ARMC8: variants seen among roughly 807,000 people sequenced by gnomAD.
The protein encoded by ARMC8 is armadillo repeat-containing protein 8.
A neutral mutation model predicts 99.3 loss-of-function variants in ARMC8; 20 were observed. The observed-to-expected ratio is 0.20, with a 90% CI of 0.14 to 0.29. The LOEUF (loss-of-function observed/expected upper bound fraction) is 0.29. Among genes scored for constraint, ARMC8 ranks in the 10% least tolerant of loss-of-function variants. ARMC8 has a pLI of 1.00. For missense variants in ARMC8, 569 were observed against 809.5 expected, an observed-to-expected ratio of 0.70 and a Z score of 3.60; for synonymous variants, 263 against 278.3, an observed-to-expected ratio of 0.95 and a Z score of 0.55.
chr3:138,283,063 A>T (rs2050093905), intron 18 of ARMC8, among the ~76,000 whole-genome samples: 1 of 152,198 alleles, frequency 6.6e-6, no homozygotes, highest in Non-Finnish European at 1.5e-5. Flanking sequence ...CTGCCCTGGA[A>T]TAAATAGTTC....
intron 5 of ARMC8, among the ~76,000 whole-genome samples, chr3:138,227,874 T>G (rs1252260202): frequency 6.6e-6 from 1 of 152,236 alleles, no homozygotes; most frequent in African/African-American, 2.4e-5. Flanking sequence ...GCATAACTTT[T>G]GTGATGTCAT....
At chr3:138,278,503 C>CAA (rs34583566) in intron 18 of ARMC8, among the ~76,000 whole-genome samples, 1 of 140,674 alleles carries the variant, frequency 7.1e-6, no homozygotes, top group African/African-American at 2.6e-5. Context: ...GACTCCATCT[C>CAA]AAAAAAAAAA....
intron 6 of ARMC8, among the ~76,000 whole-genome samples, chr3:138,230,169 C>G (rs1156392434): frequency 6.6e-6 from 1 of 152,162 alleles, no homozygotes; most frequent in East Asian, 1.9e-4. Context: ...GCAGAGATAT[C>G]AAACAATGCC....
intron 16 of ARMC8, 47 bp downstream of exon 16, chr3:138,270,179 C>T (rs534718040): frequency 3.3e-5 from 44 of 1,338,174 alleles, no homozygotes; most frequent in Non-Finnish European, 4.4e-5. Flanking sequence ...AGGAATACAG[C>T]TATTGTCTAA....
chr3:138,249,062 A>G (rs2047008746), intron 12 of ARMC8, among the ~76,000 whole-genome samples: 1 of 152,236 alleles, frequency 6.6e-6, no homozygotes, highest in Admixed American at 6.5e-5. Flanking sequence ...CCCAGCATCT[A>G]CAACACTGTC....
intron 9 of ARMC8, 79 bp from the exon 10 acceptor site, chr3:138,239,389 A>G: frequency 8.8e-7 from 1 of 1,132,796 alleles, no homozygotes; most frequent in Non-Finnish European, 1.3e-6. Flanking sequence ...ATTTTTTAAT[A>G]AAATCTTAAA....
intron 12 of ARMC8, 154 bp from the exon 13 acceptor site, chr3:138,263,585 C>G (rs1332936232): frequency 1.2e-5 from 8 of 689,514 alleles, no homozygotes; most frequent in Non-Finnish European, 2.1e-5. Flanking sequence ...TGATGAGCTG[C>G]CCGCCCCCAG....
chr3:138,255,911 C>T lies in ARMC8; in HGVS notation c.1135-7828C>T, dbSNP rs147920751. Among the ~76,000 whole-genome samples the T allele has an allele frequency of 5.8e-3, 888 of 152,158 alleles. 11 individuals are homozygous for T. Among genetic ancestry groups the T allele is most frequent in the African/African-American group, 0.021 (855 of 41,522 alleles). Reference sequence around the variant, plus strand: ...GGGAGAATCGCTCGAACCCGGGAGGCGGAGGTTGCAGTGAGCCTAGATTTC... The same window carrying T: ...GGGAGAATCGCTCGAACCCGGGAGGTGGAGGTTGCAGTGAGCCTAGATTTC... On this transcript the variant is annotated intron_variant, in intron 12 of 21. Transcript: ENST00000469044.
At chr3:138,212,777 T>G (rs748779676) in intron 2 of ARMC8, among the ~76,000 whole-genome samples, 8 of 152,178 alleles carry the variant, frequency 5.3e-5, no homozygotes, top group Non-Finnish European at 1.2e-4. Context: ...GGTAGAAAGA[T>G]GGCCACAGAG....
intron 6 of ARMC8, among the ~76,000 whole-genome samples, chr3:138,230,931 C>T (rs899444953): frequency 6.6e-6 from 1 of 152,154 alleles, no homozygotes; most frequent in Non-Finnish European, 1.5e-5. Flanking sequence ...ACCATTAAAT[C>T]ACTATTTTTT....
intron 19 of ARMC8, chr3:138,287,860 A>AT (rs2050576598): frequency 5.8e-5 from 17 of 293,746 alleles, no homozygotes; most frequent in South Asian, 1.3e-4. Flanking sequence ...CATACTAGAA[A>AT]TTTTTTTTAT....
chr3:138,263,129 A>G (rs2047916981), intron 12 of ARMC8, among the ~76,000 whole-genome samples: 1 of 152,364 alleles, frequency 6.6e-6, no homozygotes, highest in East Asian at 1.9e-4. Context: ...TCCTTCACAC[A>G]CTATTTATTT....
At chr3:138,289,972 C>G (rs995338933) in intron 20 of ARMC8, among the ~76,000 whole-genome samples, 1 of 152,162 alleles carries the variant, frequency 6.6e-6, no homozygotes, top group African/African-American at 2.4e-5. Context: ...ATTCCGCCCA[C>G]AGACCTAGAT....
chr3:138,258,357 C>T (rs2108240217), intron 12 of ARMC8, among the ~76,000 whole-genome samples: 1 of 152,232 alleles, frequency 6.6e-6, no homozygotes, highest in South Asian at 2.1e-4. Flanking sequence ...CTTGTTTTTT[C>T]AAAGACCATA....
intron 1 of ARMC8, chr3:138,188,618 T>C: frequency 6.5e-7 from 1 of 1,527,464 alleles, no homozygotes; most frequent in African/African-American, 1.4e-5. Context: ...GAAGCCAGTC[T>C]GATACTGAGA....
chr3:138,246,237 A>G (rs1475767165), intron 12 of ARMC8: 9 of 985,618 alleles, frequency 9.1e-6, no homozygotes, highest in Admixed American at 6.1e-5. Flanking sequence ...TTTAAAATCA[A>G]TGCAAAAAGC....
At chr3:138,232,105 G>A (rs1477105260) in intron 6 of ARMC8, among the ~76,000 whole-genome samples, 1 of 150,706 alleles carries the variant, frequency 6.6e-6, no homozygotes, top group Non-Finnish European at 1.5e-5. Context: ...CGAGTAGCTG[G>A]GATTACAGGT....
intron 1 of ARMC8, among the ~76,000 whole-genome samples, chr3:138,191,676 C>T (rs577306692): frequency 1.3e-5 from 2 of 152,210 alleles, no homozygotes; most frequent in Non-Finnish European, 2.9e-5. Context: ...ACAGGTATCC[C>T]TAACCCCTGG....
rs2051582769 is a variant in ARMC8 at position 138,297,442 on chromosome 3, G to A, written c.*1550G>A. ...AAGGTCTGCGGTCCAGAAGCTTGCGGTGAGTGTGTGCCACTGATGGAGCTC... is the reference window on the plus strand; with the variant it reads ...AAGGTCTGCGGTCCAGAAGCTTGCGATGAGTGTGTGCCACTGATGGAGCTC... On this transcript the variant is annotated 3_prime_UTR_variant, in exon 22 of 22. Transcript: ENST00000469044. The A allele has an allele frequency of 2.0e-5, 3 of 152,318 alleles. No homozygotes were observed. Among genetic ancestry groups the A allele is most frequent in the East Asian group, 1.9e-4 (1 of 5,188 alleles). The allele number at this position is 152,318 out of a possible 1,614,324, so 9.4% of individuals were successfully genotyped here. A position where few individuals can be genotyped will look rare whatever the true frequency, so the allele number is the denominator to read the frequency against.
Sources: gnomAD v4.1 joint callset for allele counts (sites outside exome capture counted in the v4.1 genomes callset) on GRCh38, gnomAD v4.1.1 for gene constraint, MANE v1.5 for transcripts, NCBI Gene and HGNC (gene_info 2026-07-23, HGNC 2026-07-21) for gene names.